The following APPBP2 variants were observed in gnomAD, a reference collection of about 807,000 sequenced individuals.
APPBP2 encodes the protein amyloid protein-binding protein 2.
A neutral mutation model predicts 76.0 loss-of-function variants in APPBP2; 15 were observed. That is an observed-to-expected ratio of 0.20 (90% CI 0.13 to 0.30). APPBP2 has a LOEUF of 0.30. Among genes scored for constraint, APPBP2 ranks in the 10% least tolerant of loss-of-function variants. The probability of loss-of-function intolerance (pLI) is 1.00; values close to 1 mark genes in which losing one functional copy is unlikely to be tolerated. For synonymous variants in APPBP2, 222 were observed against 242.2 expected (o/e 0.92, Z 0.77); for missense variants, 401 against 687.2 (o/e 0.58, Z 4.66).
intron 3 of APPBP2, among the ~76,000 whole-genome samples, chr17:60,480,392 CAA>C (rs936299003): frequency 6.6e-6 from 1 of 152,068 alleles, no homozygotes; most frequent in African/African-American, 2.4e-5. Context: ...ACAACAACAA[CAA>C]AACTCTGAAA....
At position 60,451,948 on chromosome 17, in the gene APPBP2, G is replaced by C; in HGVS notation, c.1436C>G (p.Ser479Cys). The change falls in exon 12 of 13, where the codon TCT becomes TGT. Residue 479 changes from serine to cysteine, a missense_variant. This residue lies in a region of APPBP2 where 130 missense variants were observed against 322.7 expected (regional missense o/e 0.40). Coordinates refer to ENST00000083182, the MANE Select transcript of APPBP2 (RefSeq NM_006380.5). Reference protein sequence around the residue: ...EVALSVGHLASLYNYDMNQYE... With the variant: ...EVALSVGHLACLYNYDMNQYE... The stretch of plus-strand genomic sequence containing the variant: ...CTGATTCATGTCATAATTATATAAA[G>C]AAGCCAGATGTCCCACTGAAAGGGC... The C allele has an allele frequency of 6.2e-7, 1 of 1,613,660 alleles. No individual in the cohort carries two copies. The highest frequency in any genetic ancestry group is 8.5e-7 in the Non-Finnish European group (1 of 1,179,748).
rs1400001097 is a variant in APPBP2, at chr17:60,518,401, A to AAG, written c.138+7391_138+7392dup. Among the ~76,000 whole-genome samples, 4 of 41,848 alleles carry AAG rather than the reference A, an allele frequency of 9.6e-5. 1 individual carries two copies. The highest frequency in any genetic ancestry group is 3.7e-4 in the African/African-American group (4 of 10,888). 27.5% of individuals were successfully genotyped at this position (41,848 alleles called of 152,430 possible). On this transcript the variant is annotated intron_variant, in intron 1 of 12. Coordinates refer to ENST00000083182, the MANE Select transcript of APPBP2 (RefSeq NM_006380.5). ...TGTGTGTGTGTGTGTGTGTGTGTGTAAGAGAGAGAGACAGCTAGTCTTGAA... is the reference window on the plus strand; with the variant it reads ...TGTGTGTGTGTGTGTGTGTGTGTGTAAGAGAGAGAGAGACAGCTAGTCTTGAA...
chr17:60,496,082 G>T (rs28450199), intron 2 of APPBP2, among the ~76,000 whole-genome samples: 30,677 of 152,148 alleles, frequency 0.2, 10,309 homozygotes, highest in African/African-American at 0.7. Context: ...GGCAAATCCA[G>T]AGAGACAGAA....
At chr17:60,485,589 T>A (rs930150651) in intron 3 of APPBP2, among the ~76,000 whole-genome samples, 1 of 151,668 alleles carries the variant, frequency 6.6e-6, no homozygotes, top group East Asian at 1.9e-4. Context: ...TGATTCTTCT[T>A]TTCTTCTTTA....
At chr17:60,486,911 T>C (rs1442628966) in intron 3 of APPBP2, among the ~76,000 whole-genome samples, 1 of 152,198 alleles carries the variant, frequency 6.6e-6, no homozygotes. Flanking sequence ...TCTCTCAGCA[T>C]TTGCTTATCT....
chr17:60,515,211 G>A (rs922397926), intron 1 of APPBP2, among the ~76,000 whole-genome samples: 3 of 151,288 alleles, frequency 2.0e-5, no homozygotes, highest in Admixed American at 6.6e-5. Flanking sequence ...CACCTCCTGG[G>A]TTCAAGCAGA....
At chr17:60,524,152 A>C (rs998631201) in intron 1 of APPBP2, among the ~76,000 whole-genome samples, 30 of 152,280 alleles carry the variant, frequency 2.0e-4, no homozygotes, top group African/African-American at 7.2e-4. Flanking sequence ...TCATACTAAT[A>C]ATCTTCAAAT....
intron 6 of APPBP2, among the ~76,000 whole-genome samples, chr17:60,463,670 T>G (rs1598350615): frequency 6.6e-6 from 1 of 152,158 alleles, no homozygotes; most frequent in East Asian, 1.9e-4. Context: ...GTTCACAGGA[T>G]TTTGGCATAA....
chr17:60,489,610 C>CAA (rs746715643), intron 3 of APPBP2, among the ~76,000 whole-genome samples: 41 of 53,040 alleles, frequency 7.7e-4, no homozygotes, highest in African/African-American at 9.4e-4. Context: ...GACCATGTCT[C>CAA]AAAAAAAAAA....
intron 3 of APPBP2, among the ~76,000 whole-genome samples, chr17:60,491,427 A>G (rs777702420): frequency 6.6e-6 from 1 of 151,832 alleles, no homozygotes; most frequent in South Asian, 2.1e-4. Flanking sequence ...TTATTTTTTT[A>G]TTTTTATTTT....
At chr17:60,498,823 T>C (rs948969466) in intron 2 of APPBP2, among the ~76,000 whole-genome samples, 1 of 152,106 alleles carries the variant, frequency 6.6e-6, no homozygotes, top group Non-Finnish European at 1.5e-5. Flanking sequence ...ACATAATTCA[T>C]AGTGAAATAA....
At chr17:60,467,523 T>C (rs960142171) in intron 4 of APPBP2, among the ~76,000 whole-genome samples, 2 of 152,222 alleles carry the variant, frequency 1.3e-5, no homozygotes, top group African/African-American at 4.8e-5. Flanking sequence ...TCCCAACACG[T>C]ACCATACAAT....
intron 1 of APPBP2, among the ~76,000 whole-genome samples, chr17:60,524,389 G>A (rs1002187008): frequency 1.3e-5 from 2 of 152,228 alleles, no homozygotes; most frequent in Middle Eastern, 3.4e-3. Context: ...GGGGAGGAAT[G>A]TATCTTAAAT....
rs534008586 is a variant in APPBP2, at chr17:60,476,767, A to T, written c.503+2381T>A. On this transcript the variant is annotated intron_variant, in intron 4 of 12. Transcript: ENST00000083182. The stretch of plus-strand genomic sequence containing the variant: ...TCTATTGTTTTTAATTTATTTTAAA[A>T]TTTTTTATAGAAATGAGGTCTTGCT... Among the ~76,000 whole-genome samples the T allele has an allele frequency of 6.6e-5, 10 of 152,246 alleles. No individual in the cohort carries two copies. The East Asian group carries it at 1.7e-3, about 26-fold the overall frequency.
chr17:60,503,065 T>C (rs1377356434), intron 1 of APPBP2, among the ~76,000 whole-genome samples: 1 of 141,160 alleles, frequency 7.1e-6, no homozygotes, highest in Non-Finnish European at 1.5e-5. Flanking sequence ...CAGGTTGGAG[T>C]GCAGTGGCAT....
chr17:60,520,135 A>G (rs1198149394), intron 1 of APPBP2, among the ~76,000 whole-genome samples: 1 of 152,148 alleles, frequency 6.6e-6, no homozygotes, highest in Non-Finnish European at 1.5e-5. Flanking sequence ...TTCAGGCTGT[A>G]TGTAGCTATA....
chr17:60,461,547 C>T (rs1333779238), intron 8 of APPBP2: 21 of 337,782 alleles, frequency 6.2e-5, no homozygotes, highest in Non-Finnish European at 8.0e-5. Context: ...CAAGCCATTA[C>T]ATGGGTAAAT....
intron 3 of APPBP2, among the ~76,000 whole-genome samples, chr17:60,493,722 C>T (rs2090750666): frequency 1.4e-5 from 2 of 147,342 alleles, no homozygotes; most frequent in Admixed American, 6.6e-5. Context: ...TCAATGCAAC[C>T]TCCACCTCCC....
intron 3 of APPBP2, among the ~76,000 whole-genome samples, chr17:60,482,704 T>C (rs56109827): frequency 0.2 from 30,342 of 152,172 alleles, 10,078 homozygotes; most frequent in African/African-American, 0.69. Flanking sequence ...GTCCTTGTGA[T>C]AGTTTGCTCA....
Sources: gnomAD v4.1 joint callset for allele counts (sites outside exome capture counted in the v4.1 genomes callset) on GRCh38, gnomAD v4.1.1 for gene constraint, gnomAD v4.1.1 regional missense constraint, MANE v1.5 for transcripts, NCBI Gene and HGNC (gene_info 2026-07-23, HGNC 2026-07-21) for gene names.